The following RAP1GDS1 variants were observed in gnomAD, a reference collection of about 807,000 sequenced individuals.
RAP1GDS1 encodes Rap1 GTPase-GDP dissociation stimulator 1.
RAP1GDS1 carries 35 observed loss-of-function variants against 71.1 expected under a neutral mutation model. The observed-to-expected ratio is 0.49, with a 90% CI of 0.38 to 0.65. The LOEUF (loss-of-function observed/expected upper bound fraction) is 0.65, where lower values mean the gene tolerates loss of function less well. Ranked by LOEUF, RAP1GDS1 falls within the 30% of genes least tolerant of loss-of-function variation. The pLI is 0.00. For missense variants in RAP1GDS1, 663 were observed against 706.1 expected, an observed-to-expected ratio of 0.94 and a Z score of 0.69; for synonymous variants, 229 against 243.1, an observed-to-expected ratio of 0.94 and a Z score of 0.54.
At chr4:98,296,596 T>C (rs977564463) in intron 2 of RAP1GDS1, among the ~76,000 whole-genome samples, 3 of 152,148 alleles carry the variant, frequency 2.0e-5, no homozygotes, top group Non-Finnish European at 4.4e-5. Flanking sequence ...AAAATGTTTT[T>C]AGTAAATGTG....
intron 4 of RAP1GDS1, among the ~76,000 whole-genome samples, chr4:98,375,275 T>C (rs1185540687): frequency 6.6e-6 from 1 of 152,066 alleles, no homozygotes; most frequent in Non-Finnish European, 1.5e-5. Flanking sequence ...CCTCTGTGCA[T>C]CCCCCTCCTC....
chr4:98,350,301 T>G (rs911319538), intron 3 of RAP1GDS1, among the ~76,000 whole-genome samples: 5 of 152,230 alleles, frequency 3.3e-5, no homozygotes, highest in African/African-American at 1.2e-4. Flanking sequence ...TTCCTAAATT[T>G]CTTGTTTTAG....
chr4:98,373,296 A>G (rs1253223850), intron 4 of RAP1GDS1, among the ~76,000 whole-genome samples: 1 of 152,018 alleles, frequency 6.6e-6, no homozygotes, highest in Non-Finnish European at 1.5e-5. Context: ...ATAGTTTTTG[A>G]TGAGAAGTCT....
At chr4:98,383,370 G>C (rs1183845542) in intron 5 of RAP1GDS1, among the ~76,000 whole-genome samples, 1 of 151,498 alleles carries the variant, frequency 6.6e-6, no homozygotes, top group Admixed American at 6.6e-5. Context: ...AACATATGCA[G>C]TCTAGGCTTC....
chr4:98,268,181 T>G (rs1246939736), intron 1 of RAP1GDS1, among the ~76,000 whole-genome samples: 1 of 152,148 alleles, frequency 6.6e-6, no homozygotes, highest in Admixed American at 6.6e-5. Flanking sequence ...AATCAATAAA[T>G]GTGATACACC....
At chr4:98,284,625 C>G (rs1291130865) in intron 1 of RAP1GDS1, among the ~76,000 whole-genome samples, 1 of 152,040 alleles carries the variant, frequency 6.6e-6, no homozygotes, top group Admixed American at 6.6e-5. Flanking sequence ...TCTAATTCTC[C>G]TATTGAATCT....
chr4:98,436,503 C>G (rs2110223080), intron 13 of RAP1GDS1, among the ~76,000 whole-genome samples: 1 of 152,126 alleles, frequency 6.6e-6, no homozygotes, highest in Non-Finnish European at 1.5e-5. Flanking sequence ...TCCACTGAGT[C>G]CTTATCTTTT....
intron 4 of RAP1GDS1, among the ~76,000 whole-genome samples, chr4:98,375,536 C>T (rs1389530377): frequency 6.6e-6 from 1 of 152,142 alleles, no homozygotes; most frequent in Non-Finnish European, 1.5e-5. Flanking sequence ...TACTAAACCA[C>T]AGAATATTAA....
intron 2 of RAP1GDS1, among the ~76,000 whole-genome samples, chr4:98,309,632 G>T (rs1729910993): frequency 2.6e-5 from 4 of 151,820 alleles, no homozygotes; most frequent in Admixed American, 1.3e-4. Flanking sequence ...ATTTGTAGAA[G>T]CACATTAAAA....
intron 9 of RAP1GDS1, 38 bp downstream of exon 9, chr4:98,417,536 C>A: frequency 6.3e-7 from 1 of 1,587,932 alleles, no homozygotes; most frequent in South Asian, 1.1e-5. Flanking sequence ...GTCAAATACT[C>A]TATATTTGTT....
intron 1 of RAP1GDS1, among the ~76,000 whole-genome samples, chr4:98,275,032 G>GTC (rs1195425713): frequency 6.6e-6 from 1 of 151,864 alleles, no homozygotes; most frequent in Non-Finnish European, 1.5e-5. Flanking sequence ...GTGTGTGTGT[G>GTC]TGTGTGTGTG....
chr4:98,434,490 C>T (rs1260487680), intron 13 of RAP1GDS1, among the ~76,000 whole-genome samples: 7 of 152,054 alleles, frequency 4.6e-5, no homozygotes, highest in Non-Finnish European at 5.9e-5. Flanking sequence ...TCTCCATCAC[C>T]GTGACTTCTA....
In RAP1GDS1 at chr4:98,312,607, G is replaced by A. The variant is rs535224992; in HGVS notation, c.112+19092G>A. Among the ~76,000 whole-genome samples, 174 of 152,170 alleles carry A rather than the reference G, an allele frequency of 1.1e-3. 1 individual carries two copies. In the South Asian group the frequency reaches 0.018, roughly 16 times the overall value. On this transcript the variant is annotated intron_variant, in intron 2 of 14. Coordinates refer to ENST00000408927, the MANE Select transcript of RAP1GDS1 (RefSeq NM_001100427.2). ...TTACTTGGAAATCTTTGTTGGGAGG[G>A]CTAAGATGATCCTCTTTTCTAGGAG...
chr4:98,410,739 A>T (rs551917981), intron 7 of RAP1GDS1, among the ~76,000 whole-genome samples: 81 of 152,316 alleles, frequency 5.3e-4, no homozygotes, highest in Admixed American at 1.6e-3. Flanking sequence ...AAAAGCCAAC[A>T]CTGAAAAATA....
At chr4:98,327,749 C>G (rs1384217944) in intron 2 of RAP1GDS1, among the ~76,000 whole-genome samples, 1 of 152,064 alleles carries the variant, frequency 6.6e-6, no homozygotes, top group Non-Finnish European at 1.5e-5. Flanking sequence ...GATTGGTGAC[C>G]AGGAATCAGT....
chr4:98,279,121 G>T (rs1335317337), intron 1 of RAP1GDS1, among the ~76,000 whole-genome samples: 2 of 152,042 alleles, frequency 1.3e-5, no homozygotes, highest in East Asian at 1.9e-4. Context: ...CTACTTGGGA[G>T]GCTGAGGCAG....
At chr4:98,434,711 C>A (rs1750916566) in intron 13 of RAP1GDS1, among the ~76,000 whole-genome samples, 1 of 151,088 alleles carries the variant, frequency 6.6e-6, no homozygotes, top group South Asian at 2.1e-4. Context: ...ACGTCCGCGT[C>A]CTGGGTTCAA....
At chr4:98,418,221 G>A (rs1359177431) in intron 9 of RAP1GDS1, among the ~76,000 whole-genome samples, 1 of 152,036 alleles carries the variant, frequency 6.6e-6, no homozygotes, top group Non-Finnish European at 1.5e-5. Context: ...ACTAGATATG[G>A]GGTAAATAGT....
In RAP1GDS1 at chr4:98,348,140, G is replaced by A. The variant is rs917288813; in HGVS notation, c.236-4336G>A. 2.7e-5 allele frequency among the ~76,000 whole-genome samples: 4 copies of A among 148,548 alleles called. No individual in the cohort carries two copies. In the South Asian group the frequency reaches 6.7e-4, roughly 25 times the overall value. On this transcript the variant is annotated intron_variant, in intron 3 of 14. Transcript: ENST00000408927. ...GTACCCCCACCCCACAACAGGCCCC[G>A]GTGTGTGATGTTCCCCTTCCTATGT... is the stretch of plus-strand genomic sequence containing the variant.
Sources: gnomAD v4.1 joint callset for allele counts (sites outside exome capture counted in the v4.1 genomes callset) on GRCh38, gnomAD v4.1.1 for gene constraint, MANE v1.5 for transcripts, NCBI Gene and HGNC (gene_info 2026-07-23, HGNC 2026-07-21) for gene names.